The following CATSPERE variants were observed in gnomAD, a reference collection of about 807,000 sequenced individuals.
CATSPERE encodes cation channel sperm-associated auxiliary subunit epsilon.
CATSPERE carries 93 observed loss-of-function variants against 114.1 expected under a neutral mutation model. That is an observed-to-expected ratio of 0.81 (90% confidence interval 0.69 to 0.97). The LOEUF (loss-of-function observed/expected upper bound fraction) is 0.97, where lower values mean the gene tolerates loss of function less well. Ranked by LOEUF, CATSPERE falls within the 50% of genes least tolerant of loss-of-function variation. The pLI, the probability that CATSPERE is intolerant of heterozygous loss-of-function variation, is 0.00. For synonymous variants in CATSPERE, 341 were observed against 384.1 expected (o/e 0.89, Z 1.31); for missense variants, 1,058 against 1,131.6 (o/e 0.93, Z 0.93).
At chr1:244,467,076 A>G (rs1475917911) in intron 2 of CATSPERE, among the ~76,000 whole-genome samples, 2 of 152,228 alleles carry the variant, frequency 1.3e-5, no homozygotes, top group African/African-American at 4.8e-5. Flanking sequence ...ACAACAGTCA[A>G]TTCCTAGCAC....
At position 244,633,612 on chromosome 1, in the gene CATSPERE, G is replaced by A. The variant is rs1229653089; in HGVS notation, c.2649-1877G>A. Among the ~76,000 whole-genome samples the A allele has an allele frequency of 2.0e-5, 3 of 151,770 alleles. No individual in the cohort carries two copies. Among genetic ancestry groups the A allele is most frequent in the Non-Finnish European group, 4.4e-5 (3 of 67,944 alleles). On this transcript the variant is annotated intron_variant, in intron 20 of 21. Coordinates refer to ENST00000366534, the MANE Select transcript of CATSPERE (RefSeq NM_001130957.2). The surrounding 1 kb of genome is among the most constrained non-coding windows in gnomAD (Gnocchi z 4.1). ...AGCCCTCTGGAGGACACATGTGCAG[G>A]CATGAGCACACGCATGCACACACAC...
chr1:244,522,246 A>T (rs910090757), intron 8 of CATSPERE, among the ~76,000 whole-genome samples: 1 of 152,216 alleles, frequency 6.6e-6, no homozygotes, highest in Non-Finnish European at 1.5e-5. Context: ...CTGGGTACAT[A>T]ACAAAATGAA....
chr1:244,508,635 A>G (rs945921827), intron 7 of CATSPERE, among the ~76,000 whole-genome samples: 2 of 150,936 alleles, frequency 1.3e-5, no homozygotes, highest in African/African-American at 4.9e-5. Context: ...TTGATTTTGT[A>G]TTGTGCAACT....
chr1:244,570,757 G>A (rs969558254), intron 10 of CATSPERE, among the ~76,000 whole-genome samples: 2 of 152,182 alleles, frequency 1.3e-5, no homozygotes, highest in Admixed American at 6.5e-5. Flanking sequence ...AACTAGGTGT[G>A]GAGGAAATGA....
At chr1:244,635,184 CTTTT>C (rs933617780) in intron 20 of CATSPERE, among the ~76,000 whole-genome samples, 9 of 152,034 alleles carry the variant, frequency 5.9e-5, no homozygotes, top group East Asian at 1.9e-4. Flanking sequence ...TAAATGTTAG[CTTTT>C]TTTTATTTCT....
At chr1:244,522,975 A>T (rs1246511677) in intron 8 of CATSPERE, among the ~76,000 whole-genome samples, 1 of 151,970 alleles carries the variant, frequency 6.6e-6, no homozygotes, top group Non-Finnish European at 1.5e-5. Flanking sequence ...ATCCTCCCTA[A>T]CTCACTTTAT....
chr1:244,594,993 T>C (rs1668202823), intron 17 of CATSPERE, among the ~76,000 whole-genome samples: 1 of 152,136 alleles, frequency 6.6e-6, no homozygotes, highest in African/African-American at 2.4e-5. Context: ...CCTGGGCACC[T>C]GAAGCACTGC....
At chr1:244,638,250 A>G (rs1247696674) in intron 21 of CATSPERE, among the ~76,000 whole-genome samples, 1 of 152,174 alleles carries the variant, frequency 6.6e-6, no homozygotes, top group Non-Finnish European at 1.5e-5. Context: ...CACTCTGCCG[A>G]TTAGTTCTCA....
At chr1:244,532,683 GT>G (rs113541526) in intron 8 of CATSPERE, among the ~76,000 whole-genome samples, 19,568 of 151,978 alleles carry the variant, frequency 0.13, 2,189 homozygotes, top group African/African-American at 0.3. Context: ...AATTCCTCTT[GT>G]TATTGACTTC....
chr1:244,619,023 A>G (rs900821270), intron 20 of CATSPERE, among the ~76,000 whole-genome samples: 3 of 152,276 alleles, frequency 2.0e-5, no homozygotes, highest in Non-Finnish European at 4.4e-5. Context: ...ACAATAGGTA[A>G]TGGGGTGGTT....
At chr1:244,495,621 T>C (rs1418429585) in intron 6 of CATSPERE, among the ~76,000 whole-genome samples, 2 of 152,108 alleles carry the variant, frequency 1.3e-5, no homozygotes, top group African/African-American at 4.8e-5. Context: ...CTCGGGAGGC[T>C]GAGGCTGGAG....
At chr1:244,609,865 G>C (rs1054231682) in intron 18 of CATSPERE, among the ~76,000 whole-genome samples, 1 of 152,048 alleles carries the variant, frequency 6.6e-6, no homozygotes, top group Non-Finnish European at 1.5e-5. Context: ...ACATAGCGAG[G>C]CTCCATCTCT....
rs1009881802 is a variant in CATSPERE, at chr1:244,633,658, C to G, written c.2649-1831C>G. 1.3e-5 allele frequency among the ~76,000 whole-genome samples: 2 copies of G among 151,928 alleles called. No individual in the cohort carries two copies. Among genetic ancestry groups the G allele is most frequent in the African/African-American group, 4.8e-5 (2 of 41,348 alleles). The stretch of plus-strand genomic sequence containing the variant: ...CACACACACACGCACACAAAACCCC[C>G]ACTACTTTCCTCTACATGCACCAAG... On this transcript the variant is annotated intron_variant, in intron 20 of 21. Transcript: ENST00000366534. The surrounding 1 kb of genome is among the most constrained non-coding windows in gnomAD (Gnocchi z 4.1).
chr1:244,453,701 G>T (rs1310725034), upstream of CATSPERE, among the ~76,000 whole-genome samples: 1 of 152,150 alleles, frequency 6.6e-6, no homozygotes, highest in Admixed American at 6.5e-5. Flanking sequence ...AAATAGCCCC[G>T]GGGAGACGTC....
rs776933834 is a variant in CATSPERE, at chr1:244,560,974, AC to A, written c.1338del (p.Met447CysfsTer56). 32 of 1,614,046 alleles carry A rather than the reference AC, an allele frequency of 2.0e-5. No homozygotes were observed. The highest frequency in any genetic ancestry group is 2.5e-5 in the Non-Finnish European group (30 of 1,180,006). Reference sequence around the variant, plus strand: ...ATTAGATGCCCCTATTGACAGTGTTACCATGCCACATTTTACATTTTCAGCA... The same window carrying A: ...ATTAGATGCCCCTATTGACAGTGTTACATGCCACATTTTACATTTTCAGCA... Reference protein sequence around the residue: ...FTLDAPIDSVTMPHFTFSALP... With the variant: ...FTLDAPIDSVXMPHFTFSALP... On this transcript the variant is annotated frameshift_variant, in exon 10 of 22. Transcript: ENST00000366534. LOFTEE classifies it high-confidence loss of function.
At chr1:244,622,538 G>A (rs1159197049) in intron 20 of CATSPERE, among the ~76,000 whole-genome samples, 2 of 151,570 alleles carry the variant, frequency 1.3e-5, no homozygotes, top group East Asian at 3.9e-4. Flanking sequence ...CGTGTAGCTG[G>A]GATTACAGAC....
chr1:244,493,443 A>G (rs1381047538), intron 6 of CATSPERE, among the ~76,000 whole-genome samples: 3 of 152,224 alleles, frequency 2.0e-5, no homozygotes, highest in African/African-American at 4.8e-5. Context: ...TTATACAAAA[A>G]TTAATTCAAG....
At chr1:244,542,198 G>C (rs1457282462) in intron 8 of CATSPERE, among the ~76,000 whole-genome samples, 1 of 151,634 alleles carries the variant, frequency 6.6e-6, no homozygotes, top group African/African-American at 2.4e-5. Context: ...CCAAGCCCTG[G>C]TGCTTTCCTG....
At chr1:244,481,001 G>A (rs189783069) in intron 5 of CATSPERE, among the ~76,000 whole-genome samples, 4 of 152,254 alleles carry the variant, frequency 2.6e-5, no homozygotes, top group African/African-American at 7.2e-5. Flanking sequence ...GAGCCCTGGC[G>A]CAGTGGCTCA....
Sources: allele counts gnomAD v4.1 joint callset (sites outside exome capture counted in the v4.1 genomes callset), GRCh38; gene constraint gnomAD v4.1.1; non-coding constraint Gnocchi (gnomAD v3.1); transcripts MANE v1.5; gene names NCBI Gene and HGNC (gene_info 2026-07-23, HGNC 2026-07-21).